Variants in KDM7A observed in about 807,000 individuals in gnomAD.
KDM7A encodes the protein lysine-specific demethylase 7A.
Under a neutral mutation model 114.8 loss-of-function variants are expected in KDM7A, and 28 were observed. That is an observed-to-expected ratio of 0.24 (90% CI 0.18 to 0.33). The LOEUF is 0.33. Ranked by LOEUF, KDM7A falls within the 10% of genes least tolerant of loss-of-function variation. The pLI is 1.00. For missense variants in KDM7A, 942 were observed against 1,142.5 expected (o/e 0.82, Z 2.53); for synonymous variants, 423 against 397.8 (o/e 1.06, Z -0.75).
intron 14 of KDM7A, 70 bp downstream of exon 14, chr7:140,098,809 A>G (rs1227345428): frequency 2.2e-6 from 3 of 1,345,006 alleles, no homozygotes; most frequent in African/African-American, 3.0e-5. Flanking sequence ...CTTCAAAATT[A>G]GCAAGTTACT....
intron 1 of KDM7A, among the ~76,000 whole-genome samples, chr7:140,155,933 A>C (rs886570344): frequency 6.6e-6 from 1 of 152,256 alleles, no homozygotes; most frequent in South Asian, 2.1e-4. Flanking sequence ...ACTATCAGTT[A>C]TAGGAAAATC....
chr7:140,155,105 T>C (rs944772798), intron 1 of KDM7A, among the ~76,000 whole-genome samples: 19 of 152,132 alleles, frequency 1.2e-4, no homozygotes, highest in Non-Finnish European at 1.0e-4. Context: ...CACTAAAACT[T>C]TCTAAAACTA....
At chr7:140,104,646 G>A (rs954112603) in intron 11 of KDM7A, among the ~76,000 whole-genome samples, 27 of 152,166 alleles carry the variant, frequency 1.8e-4, no homozygotes, top group African/African-American at 6.3e-4. Flanking sequence ...TGTTCCATTG[G>A]TCTGTATCTC....
At chr7:140,092,272 TTGCATCGTTAA>T (rs998218918) in intron 18 of KDM7A, 195 bp from the exon 19 acceptor site, 17 of 584,822 alleles carry the variant, frequency 2.9e-5, no homozygotes, top group African/African-American at 1.3e-4. Flanking sequence ...GGTCTTTAAG[TTGCATCGTTAA>T]GTTAAGAAGG....
intron 1 of KDM7A, among the ~76,000 whole-genome samples, chr7:140,172,230 G>C (rs1179806456): frequency 6.6e-6 from 1 of 152,144 alleles, no homozygotes; most frequent in African/African-American, 2.4e-5. Context: ...TTGAGAAATT[G>C]TACATGCCAG....
At chr7:140,139,059 C>T (rs759762722) in intron 2 of KDM7A, 46 bp downstream of exon 2, 1 of 1,243,588 alleles carries the variant, frequency 8.0e-7, no homozygotes, top group Non-Finnish European at 1.2e-6. Context: ...TTTGAAATGT[C>T]AGTTTTTCTG....
intron 1 of KDM7A, among the ~76,000 whole-genome samples, chr7:140,144,296 C>T (rs1156606573): frequency 1.3e-5 from 2 of 152,190 alleles, no homozygotes; most frequent in Admixed American, 1.3e-4. Context: ...AGACAACATA[C>T]ATATGCAAAA....
Position 140,086,332 on chromosome 7 carries a change from G to A in KDM7A, c.*4762C>T, listed in dbSNP as rs1243367577. 1 of 152,176 alleles carries A rather than the reference G, an allele frequency of 6.6e-6. No homozygotes were observed. The highest frequency in any genetic ancestry group is 1.9e-4 in the East Asian group (1 of 5,182). The allele number at this position is 152,176 out of a possible 1,614,324, so 9.4% of individuals were successfully genotyped here. On this transcript the variant is annotated 3_prime_UTR_variant, in exon 20 of 20. Transcript: ENST00000397560. ...TCTTAAGACACTAGAAGGGGCACCAGGGGGAAGGGGAGAACCTAAGGATAT... is the reference window on the plus strand; with the variant it reads ...TCTTAAGACACTAGAAGGGGCACCAAGGGGAAGGGGAGAACCTAAGGATAT...
At chr7:140,158,591 T>C (rs1239958465) in intron 1 of KDM7A, among the ~76,000 whole-genome samples, 1 of 152,186 alleles carries the variant, frequency 6.6e-6, no homozygotes, top group East Asian at 1.9e-4. Flanking sequence ...AGTGGAGATA[T>C]AAAGTTGGCA....
intron 12 of KDM7A, 39 bp downstream of exon 12, chr7:140,101,912 G>C: frequency 7.3e-7 from 1 of 1,366,050 alleles, no homozygotes; most frequent in Non-Finnish European, 1.0e-6. Flanking sequence ...TTAAGGAACA[G>C]CCAAGTTTCT....
chr7:140,156,068 C>G (rs1257607953), intron 1 of KDM7A, among the ~76,000 whole-genome samples: 2 of 152,114 alleles, frequency 1.3e-5, no homozygotes, highest in Non-Finnish European at 2.9e-5. Flanking sequence ...GGTTACTTAC[C>G]ATAATGGGAG....
chr7:140,087,388 C>A lies in KDM7A; in HGVS notation c.*3706G>T, dbSNP rs886339285. 1 of 152,174 alleles carries A rather than the reference C, an allele frequency of 6.6e-6. No homozygotes were observed. Among genetic ancestry groups the A allele is most frequent in the Non-Finnish European group, 1.5e-5 (1 of 68,028 alleles). 9.4% of individuals were successfully genotyped at this position (152,174 alleles called of 1,614,324 possible). A position where few individuals can be genotyped will look rare whatever the true frequency, so the allele number is the denominator to read the frequency against. On this transcript the variant is annotated 3_prime_UTR_variant, in exon 20 of 20. Transcript: ENST00000397560. ...CTTCATTTTTCTTCCACTTCAAGCA[C>A]GAAATCTGATTTTAATCCAGCACCT...
intron 1 of KDM7A, among the ~76,000 whole-genome samples, chr7:140,173,193 G>C (rs1794666109): frequency 1.3e-5 from 2 of 152,068 alleles, no homozygotes; most frequent in African/African-American, 4.8e-5. Flanking sequence ...AGAAAGAACT[G>C]TATCTCCAGG....
chr7:140,121,664 A>T (rs1818619494), intron 7 of KDM7A, among the ~76,000 whole-genome samples: 1 of 152,212 alleles, frequency 6.6e-6, no homozygotes, highest in Non-Finnish European at 1.5e-5. Context: ...GGAGTACAAT[A>T]TGTGAGACAG....
Position 140,097,601 on chromosome 7 carries a change from A to T in KDM7A, c.1960T>A (p.Ser654Thr). 1 of 1,608,512 alleles carries T rather than the reference A, an allele frequency of 6.2e-7. No individual in the cohort carries two copies. The highest frequency in any genetic ancestry group is 8.5e-7 in the Non-Finnish European group (1 of 1,174,960). Reference sequence around the variant, plus strand: ...GACTCAGAAATATCAGAATATCCTGATGATCTACTCCTGAGTTCTGATTTC... The same window carrying T: ...GACTCAGAAATATCAGAATATCCTGTTGATCTACTCCTGAGTTCTGATTTC... Reference protein sequence around the residue: ...RVKSELRSRSSGYSDISESED... With the variant: ...RVKSELRSRSTGYSDISESED... Residue 654 changes from serine to threonine, a missense_variant, in exon 15 of 20, where the codon TCA becomes ACA. This residue lies in a region of KDM7A where 512 missense variants were observed against 576.6 expected (regional missense o/e 0.89). Transcript: ENST00000397560.
rs1585156751 is a variant in KDM7A, at chr7:140,137,020, A to G, written c.280+2085T>C. On this transcript the variant is annotated intron_variant, in intron 2 of 19. Transcript: ENST00000397560. ...AAAAATAAATTAAAAAAAAAAAAAG[A>G]GAGAAGCTTAATAGCAGAGGGAAAG... 3.3e-5 allele frequency among the ~76,000 whole-genome samples: 5 copies of G among 151,180 alleles called. No homozygotes were observed. The South Asian group carries it at 1.0e-3, about 32-fold the overall frequency.
intron 11 of KDM7A, among the ~76,000 whole-genome samples, chr7:140,102,939 T>C (rs1818256760): frequency 6.6e-6 from 1 of 152,240 alleles, no homozygotes. Context: ...AGGCAACCAC[T>C]TGCAACATTT....
chr7:140,122,982 C>T (rs1386856462), intron 7 of KDM7A, among the ~76,000 whole-genome samples: 1 of 152,158 alleles, frequency 6.6e-6, no homozygotes, highest in Non-Finnish European at 1.5e-5. Flanking sequence ...GGGTCTAGTA[C>T]AGAGAATAAA....
At chr7:140,163,204 C>T (rs1283372914) in intron 1 of KDM7A, among the ~76,000 whole-genome samples, 1 of 152,054 alleles carries the variant, frequency 6.6e-6, no homozygotes. Flanking sequence ...CCGTGTTAGC[C>T]AGAATGATCT....
Sources: allele counts gnomAD v4.1 joint callset (sites outside exome capture counted in the v4.1 genomes callset), GRCh38; gene constraint gnomAD v4.1.1; regional missense constraint gnomAD v4.1.1; transcripts MANE v1.5; gene names NCBI Gene and HGNC (gene_info 2026-07-23, HGNC 2026-07-21).